The following SLC38A12 variants were observed in gnomAD, a reference collection of about 807,000 sequenced individuals.
SLC38A12 encodes solute carrier family 38 member 12.
the SLC38A12 span, among the ~76,000 whole-genome samples, chr17:74,805,139 G>A: frequency 7.9e-5 from 12 of 152,348 alleles, no homozygotes; most frequent in Admixed American, 3.3e-4. This position sits in a 1 kb window ranked among gnomAD's most constrained non-coding sequence, Gnocchi z 5.0. Flanking sequence ...CAGATCTGTC[G>A]AGGTAGTAAA....
the SLC38A12 span, among the ~76,000 whole-genome samples, chr17:74,812,809 A>T: frequency 5.3e-5 from 8 of 152,018 alleles, no homozygotes; most frequent in Admixed American, 1.3e-4. Flanking sequence ...CTGCTACCTT[A>T]ACAGAGAAAT....
At chr17:74,787,404 T>C in the SLC38A12 span, among the ~76,000 whole-genome samples, 10 of 149,874 alleles carry the variant, frequency 6.7e-5, no homozygotes, top group African/African-American at 2.5e-4. Context: ...AGGTGGATCA[T>C]GAGGTCAGGA....
the SLC38A12 span, among the ~76,000 whole-genome samples, chr17:74,806,298 G>A: frequency 1.8e-4 from 27 of 152,064 alleles, no homozygotes; most frequent in South Asian, 2.1e-4. Context: ...GACATGCCCC[G>A]GCCTTCTCAC....
chr17:74,805,560 G>A, the SLC38A12 span, among the ~76,000 whole-genome samples: 3 of 152,170 alleles, frequency 2.0e-5, no homozygotes, highest in Non-Finnish European at 2.9e-5. This position sits in a 1 kb window ranked among gnomAD's most constrained non-coding sequence, Gnocchi z 5.0. Context: ...TCTCAAACCC[G>A]CTTCAAGAGA....
At chr17:74,810,406 G>A in the SLC38A12 span, among the ~76,000 whole-genome samples, 1 of 152,220 alleles carries the variant, frequency 6.6e-6, no homozygotes, top group East Asian at 1.9e-4. Context: ...GGGGAGCCAA[G>A]GACAAAGGGC....
the SLC38A12 span, among the ~76,000 whole-genome samples, chr17:74,819,345 C>T: frequency 4.6e-5 from 7 of 152,372 alleles, no homozygotes; most frequent in Middle Eastern, 3.4e-3. Context: ...GAGTCAGAGA[C>T]ATGGCTGGTG....
At chr17:74,825,064 T>C in the SLC38A12 span, among the ~76,000 whole-genome samples, 1 of 152,220 alleles carries the variant, frequency 6.6e-6, no homozygotes, top group Non-Finnish European at 1.5e-5. Flanking sequence ...TGGTGCCCAC[T>C]GCTGCCAGCT....
At chr17:74,797,358 A>G in the SLC38A12 span, among the ~76,000 whole-genome samples, 4 of 152,048 alleles carry the variant, frequency 2.6e-5, no homozygotes, top group Non-Finnish European at 5.9e-5. Flanking sequence ...TGCATTTATA[A>G]CTCATAGAGC....
At chr17:74,804,913 C>G in the SLC38A12 span, among the ~76,000 whole-genome samples, 1 of 152,210 alleles carries the variant, frequency 6.6e-6, no homozygotes, top group Non-Finnish European at 1.5e-5. Flanking sequence ...CCCAGCTGGT[C>G]CCTTTCCCCT....
chr17:74,784,142 A>G, the SLC38A12 span, among the ~76,000 whole-genome samples: 37 of 152,346 alleles, frequency 2.4e-4, no homozygotes, highest in African/African-American at 8.4e-4. Context: ...GCTTTAAAAT[A>G]GAGAAAAGTG....
the SLC38A12 span, chr17:74,838,132 C>G: frequency 1.0e-6 from 1 of 985,658 alleles, no homozygotes; most frequent in Non-Finnish European, 1.2e-6. Flanking sequence ...CACCTCTGCC[C>G]TGGCAGCTGA....
the SLC38A12 span, chr17:74,777,817 G>A: frequency 2.7e-6 from 1 of 368,396 alleles, no homozygotes; most frequent in Non-Finnish European, 5.3e-6. Flanking sequence ...GGGAGGCTGA[G>A]GCAGGAGAAT....
At chr17:74,836,620 T>C in the SLC38A12 span, 2 of 1,613,018 alleles carry the variant, frequency 1.2e-6, no homozygotes, top group Admixed American at 3.3e-5. This position sits in a 1 kb window ranked among gnomAD's most constrained non-coding sequence, Gnocchi z 4.2. Flanking sequence ...GGCTTCGTGC[T>C]GCTCTGGGCT....
At chr17:74,810,618 G>A in the SLC38A12 span, among the ~76,000 whole-genome samples, 1 of 152,180 alleles carries the variant, frequency 6.6e-6, no homozygotes. Flanking sequence ...TCTAGAACCC[G>A]ACAGCCTGTC....
the SLC38A12 span, among the ~76,000 whole-genome samples, chr17:74,793,573 A>G: frequency 6.6e-6 from 1 of 152,168 alleles, no homozygotes; most frequent in African/African-American, 2.4e-5. Context: ...CTAGTAATGA[A>G]GTTTATTGAC....
At chr17:74,831,773 CT>C in the SLC38A12 span, among the ~76,000 whole-genome samples, 1 of 152,226 alleles carries the variant, frequency 6.6e-6, no homozygotes, top group Non-Finnish European at 1.5e-5. Context: ...CTGGGGAGCA[CT>C]TTCTGCTCTG....
chr17:74,820,159 G>T, the SLC38A12 span, among the ~76,000 whole-genome samples: 1 of 152,218 alleles, frequency 6.6e-6, no homozygotes, highest in Non-Finnish European at 1.5e-5. Flanking sequence ...AACCATGCTG[G>T]GTGCCCACTG....
the SLC38A12 span, among the ~76,000 whole-genome samples, chr17:74,803,601 G>A: frequency 5.9e-5 from 9 of 152,322 alleles, no homozygotes; most frequent in East Asian, 1.4e-3. Flanking sequence ...CGAGGCCTAA[G>A]CCCTCCTTGT....
At chr17:74,809,056 G>T in the SLC38A12 span, among the ~76,000 whole-genome samples, 1 of 152,222 alleles carries the variant, frequency 6.6e-6, no homozygotes, top group Non-Finnish European at 1.5e-5. Flanking sequence ...TTAGGGAGAA[G>T]ATGCTCATTT....
Sources: allele counts gnomAD v4.1 joint callset (sites outside exome capture counted in the v4.1 genomes callset), GRCh38; gene constraint gnomAD v4.1.1; non-coding constraint Gnocchi (gnomAD v3.1); transcripts MANE v1.5; gene names NCBI Gene and HGNC (gene_info 2026-07-23, HGNC 2026-07-21).